Variants in NR2F1-AS1 observed in about 807,000 individuals in gnomAD.
The protein encoded by NR2F1-AS1 is NR2F1 antisense RNA 1.
chr5:93,446,459 A>G (rs1407312895), intron 4 of NR2F1-AS1, among the ~76,000 whole-genome samples: 1 of 152,212 alleles, frequency 6.6e-6, no homozygotes. Context: ...CAATTGCTTC[A>G]AAGAGAATAA....
intron 4 of NR2F1-AS1, among the ~76,000 whole-genome samples, chr5:93,417,886 G>T (rs966921637): frequency 6.6e-6 from 1 of 152,118 alleles, no homozygotes; most frequent in Non-Finnish European, 1.5e-5. Context: ...CTCCTTGTAG[G>T]TCATCACCAT....
intron 4 of NR2F1-AS1, among the ~76,000 whole-genome samples, chr5:93,419,821 T>C (rs1749050474): frequency 6.6e-6 from 1 of 152,176 alleles, no homozygotes; most frequent in Admixed American, 6.5e-5. Context: ...GACCAGAATA[T>C]AACCTTTATT....
chr5:93,436,550 A>G (rs1325594223), intron 4 of NR2F1-AS1, among the ~76,000 whole-genome samples: 4 of 152,192 alleles, frequency 2.6e-5, no homozygotes, highest in Admixed American at 2.6e-4. Flanking sequence ...ATTCAAAAGT[A>G]TATTATTTCC....
chr5:93,478,557 C>A (rs1305324119), intron 4 of NR2F1-AS1, among the ~76,000 whole-genome samples: 1 of 152,064 alleles, frequency 6.6e-6, no homozygotes, highest in African/African-American at 2.4e-5. Flanking sequence ...GTGTGTGCCA[C>A]CACGCCTGGC....
At chr5:93,482,285 T>TC (rs1750616609) in intron 4 of NR2F1-AS1, among the ~76,000 whole-genome samples, 1 of 152,052 alleles carries the variant, frequency 6.6e-6, no homozygotes, top group Admixed American at 6.6e-5. Context: ...AGACGGTGGG[T>TC]GCAGCCTGCA....
chr5:93,428,749 T>A (rs1749247089), intron 4 of NR2F1-AS1, among the ~76,000 whole-genome samples: 1 of 152,192 alleles, frequency 6.6e-6, no homozygotes, highest in Admixed American at 6.5e-5. Flanking sequence ...ATTATATAAG[T>A]ACTTTAAAAA....
At chr5:93,435,354 G>C (rs1245396548) in intron 4 of NR2F1-AS1, among the ~76,000 whole-genome samples, 1 of 151,964 alleles carries the variant, frequency 6.6e-6, no homozygotes, top group Non-Finnish European at 1.5e-5. Context: ...AGACTTCCAT[G>C]GTTTTCTGAC....
intron 4 of NR2F1-AS1, among the ~76,000 whole-genome samples, chr5:93,451,816 T>C (rs1749837206): frequency 6.6e-6 from 1 of 152,240 alleles, no homozygotes; most frequent in Non-Finnish European, 1.5e-5. Flanking sequence ...AAAAGTAATT[T>C]AAGTATTAGC....
chr5:93,573,599 T>A (rs1752827884), intron 1 of NR2F1-AS1, among the ~76,000 whole-genome samples: 1 of 152,210 alleles, frequency 6.6e-6, no homozygotes, highest in Admixed American at 6.5e-5. Context: ...CTAAAGGAGA[T>A]TAATTTCCCA....
intron 4 of NR2F1-AS1, among the ~76,000 whole-genome samples, chr5:93,483,161 C>T (rs34219463): frequency 0.05 from 7,591 of 152,260 alleles, 252 homozygotes; most frequent in Middle Eastern, 0.14. Context: ...TGGGAGATAT[C>T]TCCCAGCAAG....
Position 93,526,092 on chromosome 5 carries a change from A to C in NR2F1-AS1, n.638+27669T>G, listed in dbSNP as rs185533316. Among the ~76,000 whole-genome samples the C allele has an allele frequency of 5.9e-5, 9 of 152,312 alleles. No homozygotes were observed. The East Asian group carries it at 1.5e-3, about 26-fold the overall frequency. ...GCTGGATTTCTTAAATGATTAACAA[A>C]ATAGATAGACTGCTAGCCAGACTAA... On this transcript the variant is annotated intron_variant and non_coding_transcript_variant, in intron 4 of 5. Coordinates refer to ENST00000660523, the Ensembl canonical transcript of NR2F1-AS1.
intron 4 of NR2F1-AS1, among the ~76,000 whole-genome samples, chr5:93,434,650 T>C (rs1010552873): frequency 9.9e-5 from 15 of 152,220 alleles, no homozygotes; most frequent in Admixed American, 2.6e-4. Flanking sequence ...TATTATCTAA[T>C]GTAATATGTA....
intron 4 of NR2F1-AS1, among the ~76,000 whole-genome samples, chr5:93,426,912 A>G (rs964688290): frequency 3.3e-5 from 5 of 152,212 alleles, no homozygotes; most frequent in African/African-American, 7.2e-5. Context: ...AAGGCATATA[A>G]TGACCATTTC....
intron 2 of NR2F1-AS1, among the ~76,000 whole-genome samples, chr5:93,556,179 A>G (rs1278993360): frequency 6.6e-6 from 1 of 152,088 alleles, no homozygotes; most frequent in Admixed American, 6.6e-5. Context: ...TCATCGTACT[A>G]CCAGTTACAC....
chr5:93,448,064 G>C (rs887965607), intron 4 of NR2F1-AS1, among the ~76,000 whole-genome samples: 1 of 152,106 alleles, frequency 6.6e-6, no homozygotes, highest in Non-Finnish European at 1.5e-5. Flanking sequence ...TGGAGGGAAG[G>C]GGGAGGGATA....
At chr5:93,524,792 C>A (rs983302753) in intron 4 of NR2F1-AS1, among the ~76,000 whole-genome samples, 4 of 152,132 alleles carry the variant, frequency 2.6e-5, no homozygotes, top group Admixed American at 2.0e-4. Flanking sequence ...AAATCCTTTA[C>A]AGACAAGCAA....
intron 4 of NR2F1-AS1, among the ~76,000 whole-genome samples, chr5:93,522,222 G>C (rs184775410): frequency 6.6e-6 from 1 of 152,256 alleles, no homozygotes; most frequent in Admixed American, 6.5e-5. Context: ...AGGGTGGGAG[G>C]AGTGAGAGAG....
intron 4 of NR2F1-AS1, among the ~76,000 whole-genome samples, chr5:93,486,646 C>A (rs922061674): frequency 6.6e-6 from 1 of 152,190 alleles, no homozygotes; most frequent in African/African-American, 2.4e-5. Context: ...AACAGATTCA[C>A]AGCTGAATTC....
At chr5:93,532,805 T>G (rs1418661409) in intron 4 of NR2F1-AS1, among the ~76,000 whole-genome samples, 1 of 152,240 alleles carries the variant, frequency 6.6e-6, no homozygotes, top group Non-Finnish European at 1.5e-5. Context: ...CCATCATCAA[T>G]CATTTAATTA....
Sources: allele counts gnomAD v4.1 joint callset (sites outside exome capture counted in the v4.1 genomes callset), GRCh38; gene constraint gnomAD v4.1.1; transcripts MANE v1.5; gene names NCBI Gene and HGNC (gene_info 2026-07-23, HGNC 2026-07-21).